The following CCDC141 variants were observed in gnomAD, a reference collection of about 807,000 sequenced individuals.
CCDC141 encodes the protein coiled-coil domain containing 141.
In CCDC141, 168 loss-of-function variants were observed where a neutral mutation model predicts 181.0. The observed-to-expected ratio is 0.93, with a 90% confidence interval of 0.82 to 1.05. CCDC141 has a LOEUF of 1.05. Ranked by LOEUF, CCDC141 falls within the 50% of genes least tolerant of loss-of-function variation. The probability of loss-of-function intolerance (pLI) is 0.00; values close to 1 mark genes in which losing one functional copy is unlikely to be tolerated. For missense variants in CCDC141, 1,902 were observed against 1,788.5 expected, an observed-to-expected ratio of 1.06 and a Z score of -1.14; for synonymous variants, 666 against 642.3, an observed-to-expected ratio of 1.04 and a Z score of -0.56.
rs970181537 is a variant in CCDC141 at position 178,869,111 on chromosome 2, C to A, written c.2394+6G>T. ...GGATTTTTCAGACATCCCTTCTAAG[C>A]CTTACCTCTTCCTTGACTTGATGGA... On this transcript the variant is annotated splice_donor_region_variant and intron_variant, in intron 15 of 23. Transcript: ENST00000443758. 3.2e-6 allele frequency: 5 copies of A among 1,555,420 alleles called. No homozygotes were observed. The highest frequency in any genetic ancestry group is 4.1e-5 in the Admixed American group (2 of 49,234).
chr2:178,948,682 G>A (rs1689830232), intron 5 of CCDC141, among the ~76,000 whole-genome samples: 1 of 152,116 alleles, frequency 6.6e-6, no homozygotes, highest in African/African-American at 2.4e-5. Context: ...CTCCCTTGGT[G>A]GGGGCTGTGG....
At position 178,961,338 on chromosome 2, in the gene CCDC141, A is replaced by G. The variant is rs1690387426; in HGVS notation, c.672T>C (p.Leu224=). ...GTCTTCTCCTGTCTTGTAGAAGTTC[A>G]AGAAGGCGGTCAACCTTCAGACAGC... The part of the protein sequence containing the change: ...HSSCLKVDRL[L]ELLQDRRRQL... Residue 224 remains leucine, a synonymous_variant, in exon 5 of 24, where the codon CTT becomes CTC. Transcript: ENST00000443758. 6.4e-7 allele frequency: 1 copy of G among 1,550,460 alleles called. No individual in the cohort carries two copies. The highest frequency in any genetic ancestry group is 8.7e-7 in the Non-Finnish European group (1 of 1,146,972).
intron 2 of CCDC141, among the ~76,000 whole-genome samples, chr2:178,984,362 T>A (rs1691603179): frequency 6.6e-6 from 1 of 151,362 alleles, no homozygotes; most frequent in South Asian, 2.1e-4. Context: ...TGCAAAATCA[T>A]GCCAAAATGT....
intron 2 of CCDC141, among the ~76,000 whole-genome samples, chr2:178,998,164 G>C (rs1394024926): frequency 1.3e-5 from 2 of 152,148 alleles, no homozygotes; most frequent in Non-Finnish European, 2.9e-5. Context: ...ACAGCACTTA[G>C]AACATTCTCA....
At chr2:179,015,578 CATAT>C (rs1243627580) in intron 2 of CCDC141, among the ~76,000 whole-genome samples, 4 of 106,954 alleles carry the variant, frequency 3.7e-5, no homozygotes, top group African/African-American at 1.3e-4. Flanking sequence ...TCATATATCT[CATAT>C]ATATCTCATA....
At chr2:178,963,990 G>A (rs1196302958) in intron 4 of CCDC141, among the ~76,000 whole-genome samples, 1 of 152,180 alleles carries the variant, frequency 6.6e-6, no homozygotes, top group Non-Finnish European at 1.5e-5. Flanking sequence ...AAAAAGAAAT[G>A]GAAGCAAACA....
At chr2:178,937,665 T>C (rs1010627394) in intron 6 of CCDC141, among the ~76,000 whole-genome samples, 31 of 152,110 alleles carry the variant, frequency 2.0e-4, no homozygotes, top group African/African-American at 7.2e-4. Context: ...CTCTTCTTTG[T>C]ACCTCTGGTG....
chr2:179,017,925 C>A (rs1443642609), intron 2 of CCDC141, among the ~76,000 whole-genome samples: 1 of 152,044 alleles, frequency 6.6e-6, no homozygotes, highest in African/African-American at 2.4e-5. Context: ...AAGTTTTCCT[C>A]TCCTACTTGC....
intron 2 of CCDC141, among the ~76,000 whole-genome samples, chr2:178,993,316 C>G (rs1187351172): frequency 6.6e-6 from 1 of 152,304 alleles, no homozygotes; most frequent in Non-Finnish European, 1.5e-5. Flanking sequence ...GGAGTACTCA[C>G]AGTTACACGT....
At chr2:178,838,115 C>T (rs1684567412) in intron 22 of CCDC141, among the ~76,000 whole-genome samples, 1 of 152,222 alleles carries the variant, frequency 6.6e-6, no homozygotes, top group African/African-American at 2.4e-5. Flanking sequence ...GGCTTGTCTA[C>T]ACACACATCT....
intron 2 of CCDC141, among the ~76,000 whole-genome samples, chr2:179,003,993 G>A (rs1016604153): frequency 6.6e-6 from 1 of 152,096 alleles, no homozygotes; most frequent in African/African-American, 2.4e-5. Context: ...TGATGAGGTG[G>A]AGGGTACAAA....
Position 178,886,842 on chromosome 2 carries a change from T to G in CCDC141, c.1437A>C (p.Pro479=). ...CAACATCCATTGCATTAGAAAGTAC[T>G]GGACTGATTTTCTGAATTGACATTT... is the stretch of plus-strand genomic sequence containing the variant. ...KVEMSIQKIS[P]VLSNAMDVGS... The change falls in exon 10 of 24, where the codon CCA becomes CCC. Residue 479 remains proline, a synonymous_variant. Coordinates refer to ENST00000443758, the MANE Select transcript of CCDC141 (RefSeq NM_173648.4). 1 of 1,438,958 alleles carries G rather than the reference T, an allele frequency of 6.9e-7. No homozygotes were observed. The highest frequency in any genetic ancestry group is 9.1e-7 in the Non-Finnish European group (1 of 1,097,946). 89.1% of individuals were successfully genotyped at this position (1,438,958 alleles called of 1,614,324 possible). A position where few individuals can be genotyped will look rare whatever the true frequency, so the allele number is the denominator to read the frequency against.
intron 6 of CCDC141, among the ~76,000 whole-genome samples, chr2:178,936,132 G>A (rs1003985058): frequency 6.6e-6 from 1 of 151,942 alleles, no homozygotes; most frequent in Non-Finnish European, 1.5e-5. Flanking sequence ...TTGCTTTGTT[G>A]CAATTGTTTT....
intron 8 of CCDC141, 117 bp downstream of exon 8, chr2:178,905,212 A>G: frequency 1.1e-6 from 1 of 934,036 alleles, no homozygotes; most frequent in South Asian, 1.8e-5. Flanking sequence ...TTTAAGCCAT[A>G]TCATAATGCA....
At chr2:178,923,096 A>T (rs10165872) in intron 6 of CCDC141, among the ~76,000 whole-genome samples, 9,349 of 137,676 alleles carry the variant, frequency 0.068, 618 homozygotes, top group South Asian at 0.2. Context: ...CCACCAGTTT[A>T]TTTTTTTTTT....
chr2:179,011,901 A>G (rs1402498836), intron 2 of CCDC141, among the ~76,000 whole-genome samples: 3 of 152,176 alleles, frequency 2.0e-5, no homozygotes, highest in African/African-American at 7.2e-5. Context: ...CCAGATGGAA[A>G]TTTAAAAATT....
At chr2:178,949,344 C>T (rs553804615) in intron 5 of CCDC141, among the ~76,000 whole-genome samples, 1 of 152,264 alleles carries the variant, frequency 6.6e-6, no homozygotes, top group South Asian at 2.1e-4. Flanking sequence ...TGCACCCCTC[C>T]TATGATAGAG....
At chr2:178,880,757 A>G (rs1686564975) in intron 11 of CCDC141, among the ~76,000 whole-genome samples, 1 of 152,218 alleles carries the variant, frequency 6.6e-6, no homozygotes, top group African/African-American at 2.4e-5. Flanking sequence ...ATCAGGAATG[A>G]AAAGCACAGT....
At chr2:178,823,161 A>G in the CCDC141 span, among the ~76,000 whole-genome samples, 1 of 130,658 alleles carries the variant, frequency 7.7e-6, no homozygotes, top group Non-Finnish European at 1.6e-5. Flanking sequence ...TGGTGGTTAA[A>G]TATTAACCAC....
Sources: gnomAD v4.1 joint callset for allele counts (sites outside exome capture counted in the v4.1 genomes callset) on GRCh38, gnomAD v4.1.1 for gene constraint, MANE v1.5 for transcripts, NCBI Gene and HGNC (gene_info 2026-07-23, HGNC 2026-07-21) for gene names.